Variants in DYRK1A observed in about 807,000 individuals in gnomAD.
DYRK1A encodes dual specificity tyrosine-phosphorylation-regulated kinase 1A.
DYRK1A carries 9 observed loss-of-function variants against 79.7 expected under a neutral mutation model. That is an observed-to-expected ratio of 0.11 (90% CI 0.07 to 0.20). The LOEUF (loss-of-function observed/expected upper bound fraction) is 0.20. Among genes scored for constraint, DYRK1A ranks in the 10% least tolerant of loss-of-function variants. DYRK1A has a pLI of 1.00. For synonymous variants in DYRK1A, 349 were observed against 329.7 expected, an observed-to-expected ratio of 1.06 and a Z score of -0.63; for missense variants, 622 against 956.0, an observed-to-expected ratio of 0.65 and a Z score of 4.61.
Position 37,523,774 on chromosome 21 carries a change from CA to C in DYRK1A, c.*11244del, listed in dbSNP as rs2053950620. 4 of 152,214 alleles carry C rather than the reference CA, an allele frequency of 2.6e-5. No individual in the cohort carries two copies. Among genetic ancestry groups the C allele is most frequent in the African/African-American group, 9.6e-5 (4 of 41,456 alleles). 9.4% of individuals were successfully genotyped at this position (152,214 alleles called of 1,614,324 possible). A position where few individuals can be genotyped will look rare whatever the true frequency, so the allele number is the denominator to read the frequency against. ...GGGAAATTATATGACATTTGAATTTCAGTGTCCATAAATGAAGTTTTATTGG... is the reference window on the plus strand; with the variant it reads ...GGGAAATTATATGACATTTGAATTTCGTGTCCATAAATGAAGTTTTATTGG... On this transcript the variant is annotated 3_prime_UTR_variant, in exon 12 of 12. Transcript: ENST00000647188.
At chr21:37,450,781 G>C (rs1443440324) in intron 2 of DYRK1A, among the ~76,000 whole-genome samples, 3 of 152,104 alleles carry the variant, frequency 2.0e-5, no homozygotes, top group Admixed American at 6.6e-5. Flanking sequence ...TTGTTGTTAT[G>C]AGAATACAAA....
chr21:37,525,767 C>T lies in DYRK1A; in HGVS notation c.*13236C>T, dbSNP rs537859565. The T allele has an allele frequency of 6.6e-6, 1 of 152,224 alleles. No individual in the cohort carries two copies. Among genetic ancestry groups the T allele is most frequent in the Non-Finnish European group, 1.5e-5 (1 of 68,020 alleles). The allele number at this position is 152,224 out of a possible 1,614,324, so 9.4% of individuals were successfully genotyped here. ...ATCAACAGCTCTCATGAATTTTTGT[C>T]AGAAATATTAGCTGAATATCCCGAC... On this transcript the variant is annotated 3_prime_UTR_variant, in exon 12 of 12. Coordinates refer to ENST00000647188, the MANE Select transcript of DYRK1A (RefSeq NM_001347721.2).
chr21:37,411,177 A>G (rs2050237240), intron 1 of DYRK1A, among the ~76,000 whole-genome samples: 2 of 152,048 alleles, frequency 1.3e-5, no homozygotes, highest in South Asian at 4.2e-4. Flanking sequence ...CAACATGGTG[A>G]AACCCTGTCT....
At chr21:37,445,757 A>AC (rs1183579286) in intron 2 of DYRK1A, among the ~76,000 whole-genome samples, 2 of 152,166 alleles carry the variant, frequency 1.3e-5, no homozygotes, top group Non-Finnish European at 2.9e-5. Flanking sequence ...AAAGCCCAGC[A>AC]CCCTCTATAT....
chr21:37,374,616 G>A (rs2049500877), intron 1 of DYRK1A, among the ~76,000 whole-genome samples: 1 of 151,780 alleles, frequency 6.6e-6, no homozygotes, highest in African/African-American at 2.4e-5. Flanking sequence ...ACAGTGGTGC[G>A]ATCTCGGTTT....
intron 1 of DYRK1A, among the ~76,000 whole-genome samples, chr21:37,395,421 C>T (rs1240522312): frequency 6.6e-6 from 1 of 152,138 alleles, no homozygotes; most frequent in East Asian, 1.9e-4. Context: ...TCCCGCTCCT[C>T]ACCTCATTGT....
intron 1 of DYRK1A, among the ~76,000 whole-genome samples, chr21:37,376,643 G>C (rs2049547598): frequency 2.6e-5 from 4 of 152,182 alleles, no homozygotes. Context: ...TAATGGCACT[G>C]TGGGTAATTC....
intron 2 of DYRK1A, among the ~76,000 whole-genome samples, chr21:37,439,425 T>C (rs2148472715): frequency 6.6e-6 from 1 of 152,318 alleles, no homozygotes. Context: ...ATGTTAGCTG[T>C]AGAGTTTTTT....
rs1239864900 is a variant in DYRK1A, at chr21:37,523,714, T to C, written c.*11183T>C. On this transcript the variant is annotated 3_prime_UTR_variant, in exon 12 of 12. Transcript: ENST00000647188. ...CTAAGGGTGATTTTCACATTTTACA[T>C]GGCTGAAAAACATCAAATGATATTT... 6.6e-6 allele frequency: 1 copy of C among 152,232 alleles called. No homozygotes were observed. Among genetic ancestry groups the C allele is most frequent in the Non-Finnish European group, 1.5e-5 (1 of 68,036 alleles). 9.4% of individuals were successfully genotyped at this position (152,232 alleles called of 1,614,324 possible).
chr21:37,472,657 C>T, intron 2 of DYRK1A, 27 bp from the exon 3 acceptor site: 1 of 1,537,330 alleles, frequency 6.5e-7, no homozygotes, highest in Non-Finnish European at 8.8e-7. Context: ...TGAATATTTC[C>T]TTTAAACCTC....
At chr21:37,506,251 G>T in intron 11 of DYRK1A, 28 bp downstream of exon 11, 2 of 1,613,872 alleles carry the variant, frequency 1.2e-6, no homozygotes, top group South Asian at 2.2e-5. Flanking sequence ...TCATTTGCTT[G>T]TGTCACCTGC....
Position 37,525,504 on chromosome 21 carries a change from G to C in DYRK1A, c.*12973G>C, listed in dbSNP as rs963554015. ...ACCCATGACACGTGGGGATTATGGG[G>C]GCTACAATTCAATGAGATTTGGGTG... On this transcript the variant is annotated 3_prime_UTR_variant, in exon 12 of 12. Coordinates refer to ENST00000647188, the MANE Select transcript of DYRK1A (RefSeq NM_001347721.2). 6.6e-6 allele frequency: 1 copy of C among 152,188 alleles called. No individual in the cohort carries two copies. 9.4% of individuals were successfully genotyped at this position (152,188 alleles called of 1,614,324 possible).
At chr21:37,459,879 G>A (rs930695285) in intron 2 of DYRK1A, among the ~76,000 whole-genome samples, 2 of 152,174 alleles carry the variant, frequency 1.3e-5, no homozygotes, top group Non-Finnish European at 1.5e-5. Flanking sequence ...AAGGACTGGA[G>A]TGAGTGGGCT....
chr21:37,377,897 G>T (rs1482628916), intron 1 of DYRK1A, among the ~76,000 whole-genome samples: 1 of 152,006 alleles, frequency 6.6e-6, no homozygotes, highest in African/African-American at 2.4e-5. Flanking sequence ...GTATAGTTGT[G>T]TTCTGTGAGT....
In DYRK1A at chr21:37,472,883, A is replaced by G; in HGVS notation, c.207+3A>G. ...TTCAGCAACCTCTAACTAACCAGGT[A>G]AGTTCATGGAGTATCAGAAATGACT... On this transcript the variant is annotated splice_donor_region_variant and intron_variant, in intron 3 of 11. Transcript: ENST00000647188. The G allele has an allele frequency of 6.4e-7, 1 of 1,554,722 alleles. No individual in the cohort carries two copies. The highest frequency in any genetic ancestry group is 8.8e-7 in the Non-Finnish European group (1 of 1,140,788).
chr21:37,462,059 T>A lies in DYRK1A; in HGVS notation c.11-10625T>A, dbSNP rs148499899. On this transcript the variant is annotated intron_variant, in intron 2 of 11. Transcript: ENST00000647188. ...GTAGATTCTATTTCTCTATTAAGAT[T>A]CACTATTCCCTTATTTTGTCCATGT... 4.0e-3 allele frequency among the ~76,000 whole-genome samples: 609 copies of A among 152,298 alleles called. 5 individuals carry two copies. Among genetic ancestry groups the A allele is most frequent in the African/African-American group, 0.014 (571 of 41,536 alleles).
intron 1 of DYRK1A, among the ~76,000 whole-genome samples, chr21:37,389,898 A>G (rs1461873902): frequency 6.6e-6 from 1 of 151,050 alleles, no homozygotes; most frequent in Non-Finnish European, 1.5e-5. Flanking sequence ...TCACTTCTGT[A>G]GTATTTACTT....
At chr21:37,400,478 A>G (rs753633005) in intron 1 of DYRK1A, among the ~76,000 whole-genome samples, 142 of 152,244 alleles carry the variant, frequency 9.3e-4, no homozygotes, top group Non-Finnish European at 1.8e-3. Flanking sequence ...TATCATAAGT[A>G]TACTTCCAGC....
intron 2 of DYRK1A, among the ~76,000 whole-genome samples, chr21:37,468,755 T>G (rs145762172): frequency 7.3e-6 from 1 of 136,968 alleles, no homozygotes; most frequent in African/African-American, 2.6e-5. Flanking sequence ...GCCCAGTGTT[T>G]AGAAGGTAAT....
Sources: allele counts gnomAD v4.1 joint callset (sites outside exome capture counted in the v4.1 genomes callset), GRCh38; gene constraint gnomAD v4.1.1; transcripts MANE v1.5; gene names NCBI Gene and HGNC (gene_info 2026-07-23, HGNC 2026-07-21).